Variants in DISP1 observed in about 807,000 individuals in gnomAD.
DISP1 encodes dispatched RND transporter family member 1.
In DISP1, 30 loss-of-function variants were observed where a neutral mutation model predicts 37.3. The observed-to-expected ratio is 0.80, with a 90% CI of 0.60 to 1.09. The LOEUF is 1.09. Among genes scored for constraint, DISP1 ranks in the 50% least tolerant of loss-of-function variants. DISP1 has a pLI of 0.00. For missense variants in DISP1, 1,598 were observed against 1,879.5 expected, an observed-to-expected ratio of 0.85 and a Z score of 2.77; for synonymous variants, 634 against 690.2, an observed-to-expected ratio of 0.92 and a Z score of 1.28.
At chr1:222,958,015 C>T (rs1049575238) in intron 3 of DISP1, among the ~76,000 whole-genome samples, 3 of 152,184 alleles carry the variant, frequency 2.0e-5, no homozygotes, top group East Asian at 1.9e-4. Context: ...GGTAACATCA[C>T]GTAGAAATGC....
At chr1:222,829,691 C>T (rs1234099602) in intron 1 of DISP1, among the ~76,000 whole-genome samples, 4 of 152,146 alleles carry the variant, frequency 2.6e-5, no homozygotes, top group African/African-American at 9.6e-5. Flanking sequence ...AGCCACCCAC[C>T]TCAGCCTTCC....
At chr1:222,962,322 A>G (rs1676130923) in intron 3 of DISP1, among the ~76,000 whole-genome samples, 1 of 152,230 alleles carries the variant, frequency 6.6e-6, no homozygotes, top group African/African-American at 2.4e-5. Context: ...CATGGATAGG[A>G]AGAATCAATA....
At chr1:222,875,460 T>C (rs1669908376) in intron 1 of DISP1, among the ~76,000 whole-genome samples, 1 of 151,928 alleles carries the variant, frequency 6.6e-6, no homozygotes, top group East Asian at 1.9e-4. Context: ...TCCCCCCTTT[T>C]ATATGTAGGG....
intron 3 of DISP1, among the ~76,000 whole-genome samples, chr1:222,976,940 G>T (rs553033349): frequency 6.6e-6 from 1 of 152,308 alleles, no homozygotes; most frequent in African/African-American, 2.4e-5. Flanking sequence ...TTGTATACAA[G>T]TGATTTGCTT....
intron 3 of DISP1, among the ~76,000 whole-genome samples, chr1:222,976,904 A>T (rs1372419100): frequency 6.9e-6 from 1 of 144,274 alleles, no homozygotes; most frequent in East Asian, 2.2e-4. Flanking sequence ...CATAAGTGAA[A>T]AAATGGGATT....
intron 1 of DISP1, among the ~76,000 whole-genome samples, chr1:222,897,922 C>T (rs1400318231): frequency 6.6e-6 from 1 of 152,102 alleles, no homozygotes; most frequent in African/African-American, 2.4e-5. Flanking sequence ...TATTCCCCAT[C>T]GAATCTGAAT....
At chr1:222,901,807 G>A (rs538572349) in intron 1 of DISP1, among the ~76,000 whole-genome samples, 1 of 152,202 alleles carries the variant, frequency 6.6e-6, no homozygotes. Flanking sequence ...GATTATGGGT[G>A]TGAGCCACTG....
intron 1 of DISP1, among the ~76,000 whole-genome samples, chr1:222,894,072 G>A (rs1002323152): frequency 2.6e-5 from 4 of 152,164 alleles, no homozygotes; most frequent in Non-Finnish European, 5.9e-5. Flanking sequence ...ATGTCTGTGT[G>A]AATCTGACTG....
At chr1:222,870,622 C>A (rs1669496104) in intron 1 of DISP1, among the ~76,000 whole-genome samples, 1 of 152,108 alleles carries the variant, frequency 6.6e-6, no homozygotes, top group Admixed American at 6.6e-5. Context: ...CCTTTGCCCA[C>A]TTTTTGATGG....
At chr1:222,946,524 T>G (rs1674793119) in intron 3 of DISP1, among the ~76,000 whole-genome samples, 1 of 152,218 alleles carries the variant, frequency 6.6e-6, no homozygotes, top group South Asian at 2.1e-4. Flanking sequence ...CAATGATTAC[T>G]TTGCTATTTT....
intron 2 of DISP1, among the ~76,000 whole-genome samples, chr1:222,932,931 G>C (rs1443003394): frequency 6.6e-6 from 1 of 151,936 alleles, no homozygotes; most frequent in African/African-American, 2.4e-5. Context: ...GATTGAAAGA[G>C]ATAAACTTCA....
chr1:222,831,307 A>G (rs1325033008), intron 1 of DISP1, among the ~76,000 whole-genome samples: 1 of 152,234 alleles, frequency 6.6e-6, no homozygotes, highest in East Asian at 1.9e-4. Context: ...GGAATCATAA[A>G]TTAAACGATA....
chr1:222,879,292 A>G (rs1670146728), intron 1 of DISP1, among the ~76,000 whole-genome samples: 1 of 152,142 alleles, frequency 6.6e-6, no homozygotes, highest in Admixed American at 6.5e-5. Context: ...CAGAAAATAT[A>G]TTGAGGTTCT....
At chr1:222,955,818 C>A (rs1675552812) in intron 3 of DISP1, among the ~76,000 whole-genome samples, 1 of 152,074 alleles carries the variant, frequency 6.6e-6, no homozygotes, top group Non-Finnish European at 1.5e-5. Context: ...AGACTTTTGT[C>A]TTCTCTTTGT....
intron 1 of DISP1, among the ~76,000 whole-genome samples, chr1:222,840,557 CTTTTTT>C (rs71176702): frequency 0.097 from 11,201 of 116,032 alleles, 594 homozygotes; most frequent in East Asian, 0.29. Context: ...TACAGTATCT[CTTTTTT>C]TTTTTTTTTT....
At chr1:222,840,724 GGCT>G (rs372952093) in intron 1 of DISP1, among the ~76,000 whole-genome samples, 14,254 of 151,292 alleles carry the variant, frequency 0.094, 736 homozygotes, top group African/African-American at 0.12. Context: ...CACCACACCC[GGCT>G]AATTTTTTGT....
At chr1:222,990,278 A>T (rs1187528039) in intron 4 of DISP1, among the ~76,000 whole-genome samples, 1 of 152,196 alleles carries the variant, frequency 6.6e-6, no homozygotes, top group African/African-American at 2.4e-5. Flanking sequence ...TCCACTGATG[A>T]AGTGTGTATT....
chr1:222,979,645 C>G (rs1677686033), intron 3 of DISP1: 2 of 470,856 alleles, frequency 4.2e-6, no homozygotes, highest in Admixed American at 2.4e-5. Flanking sequence ...ACTAAGTGTG[C>G]TTCATGGCTT....
intron 3 of DISP1, among the ~76,000 whole-genome samples, chr1:222,976,629 T>G (rs1005931087): frequency 2.0e-5 from 3 of 152,006 alleles, no homozygotes; most frequent in Admixed American, 2.0e-4. Flanking sequence ...AAATCTTTAC[T>G]CAAGCAGAAA....
Sources: gnomAD v4.1 joint callset for allele counts (sites outside exome capture counted in the v4.1 genomes callset) on GRCh38, gnomAD v4.1.1 for gene constraint, MANE v1.5 for transcripts, NCBI Gene and HGNC (gene_info 2026-07-23, HGNC 2026-07-21) for gene names.